The following SLC16A12 variants were observed in gnomAD, a reference collection of about 807,000 sequenced individuals.
SLC16A12 encodes monocarboxylate transporter 12.
A neutral mutation model predicts 42.4 loss-of-function variants in SLC16A12; 17 were observed. The ratio of observed to expected loss-of-function variants is 0.40; its 90% CI spans 0.27 to 0.60. The LOEUF is 0.60. Ranked by LOEUF, SLC16A12 falls within the 20% of genes least tolerant of loss-of-function variation. The probability of loss-of-function intolerance (pLI) is 0.42; values close to 1 mark genes in which losing one functional copy is unlikely to be tolerated. For missense variants in SLC16A12, 544 were observed against 623.0 expected (o/e 0.87, Z 1.35); for synonymous variants, 224 against 229.4 (o/e 0.98, Z 0.21).
Position 89,430,336 on chromosome 10 carries a change from T to A in SLC16A12, c.*2728A>T. ...AATTCATTTTATTTTGCTTTTGAAA[T>A]AAGAAAATATTAGCATAAATATTTC... On this transcript the variant is annotated 3_prime_UTR_variant, in exon 8 of 8. Coordinates refer to ENST00000371790, the MANE Select transcript of SLC16A12 (RefSeq NM_213606.4). 1 of 227,106 alleles carries A rather than the reference T, an allele frequency of 4.4e-6. No homozygotes were observed. 14.1% of individuals were successfully genotyped at this position (227,106 alleles called of 1,614,324 possible).
rs1564607512 is a variant in SLC16A12, at chr10:89,555,582, T to TATATGTATATATACACATATATACAG, written c.-47+299_-47+300insCTGTATATATGTGTATATATACATAT. 2.5e-5 allele frequency among the ~76,000 whole-genome samples: 3 copies of TATATGTATATATACACATATATACAG among 121,484 alleles called. No homozygotes were observed. The East Asian group carries it at 7.1e-4, about 29-fold the overall frequency. 79.7% of individuals were successfully genotyped at this position (121,484 alleles called of 152,430 possible). A position where few individuals can be genotyped will look rare whatever the true frequency, so the allele number is the denominator to read the frequency against. On this transcript the variant is annotated intron_variant, in intron 2 of 2. Coordinates refer to the SLC16A12 transcript ENST00000475682. ...ATACATATACGTATATGTATATGTA[T>TATATGTATATATACACATATATACAG]ATATGTATATATACACATATATACA...
chr10:89,445,832 C>A (rs925432158), intron 3 of SLC16A12, among the ~76,000 whole-genome samples: 18 of 152,056 alleles, frequency 1.2e-4, no homozygotes, highest in Admixed American at 5.9e-4. Flanking sequence ...ATGTTCGAAC[C>A]CATCACAAGG....
At chr10:89,533,846 CAT>C (rs1843600140) in intron 2 of SLC16A12, among the ~76,000 whole-genome samples, 2 of 145,774 alleles carry the variant, frequency 1.4e-5, no homozygotes, top group South Asian at 4.3e-4. Flanking sequence ...AAAAAAAAAA[CAT>C]AAAAAATAAG....
rs1401513708 is a variant in SLC16A12 at position 89,430,767 on chromosome 10, T to C, written c.*2297A>G. 1 of 459,118 alleles carries C rather than the reference T, an allele frequency of 2.2e-6. No homozygotes were observed. Among genetic ancestry groups the C allele is most frequent in the Admixed American group, 2.5e-5 (1 of 39,558 alleles). 28.4% of individuals were successfully genotyped at this position (459,118 alleles called of 1,614,324 possible). On this transcript the variant is annotated 3_prime_UTR_variant, in exon 8 of 8. Transcript: ENST00000371790. ...TATACAAAATCTTTAAAATTTCTGA[T>C]CACTATGCTTATTTTTCATAAATAC...
intron 2 of SLC16A12, among the ~76,000 whole-genome samples, chr10:89,542,309 T>C (rs190004821): frequency 0.013 from 1,990 of 149,440 alleles, 22 homozygotes; most frequent in Middle Eastern, 0.02. Flanking sequence ...TTTTTTTCTT[T>C]TTTTTTTTTT....
At chr10:89,552,188 C>T (rs1843774879) in intron 2 of SLC16A12, among the ~76,000 whole-genome samples, 1 of 152,186 alleles carries the variant, frequency 6.6e-6, no homozygotes, top group Non-Finnish European at 1.5e-5. Context: ...CCCACCTTGG[C>T]CTCCCAAAGT....
intron 2 of SLC16A12, among the ~76,000 whole-genome samples, chr10:89,482,528 C>A (rs1246555803): frequency 6.6e-6 from 1 of 152,130 alleles, no homozygotes; most frequent in Non-Finnish European, 1.5e-5. Context: ...CGCCTATAAT[C>A]CCAGCACTTG....
intron 3 of SLC16A12, among the ~76,000 whole-genome samples, chr10:89,445,689 ACTT>A (rs1325740715): frequency 5.3e-5 from 8 of 152,220 alleles, no homozygotes; most frequent in Non-Finnish European, 1.2e-4. Flanking sequence ...AAACTGGAGC[ACTT>A]CTTCTCCTCC....
intron 2 of SLC16A12, among the ~76,000 whole-genome samples, chr10:89,504,552 C>G (rs1383022011): frequency 1.3e-5 from 2 of 152,098 alleles, no homozygotes; most frequent in Non-Finnish European, 2.9e-5. Context: ...ACATACGGAA[C>G]CATTATTGCT....
At chr10:89,447,502 T>G (rs998838179) in intron 3 of SLC16A12, among the ~76,000 whole-genome samples, 21 of 152,236 alleles carry the variant, frequency 1.4e-4, no homozygotes, top group Non-Finnish European at 2.5e-4. Context: ...TGCTCCTGTA[T>G]GACTACTGGG....
chr10:89,462,479 C>T lies in SLC16A12; in HGVS notation c.100G>A (p.Val34Ile), dbSNP rs750848525. 1.9e-6 allele frequency: 3 copies of T among 1,614,072 alleles called. No homozygotes were observed. Among genetic ancestry groups the T allele is most frequent in the Admixed American group, 3.3e-5 (2 of 60,010 alleles). ...GGGGAGGTAGACCGAGCTCTATTTA[C>T]TTTTGCCATGGTTTTTCTTTTTTCT... is the stretch of plus-strand genomic sequence containing the variant. ...KEEKRKTMAK[V>I]NRARSTSPPD... is the part of the protein sequence containing the mutation. Residue 34 changes from valine to isoleucine, a missense_variant, in exon 3 of 8, where the codon GTA becomes ATA. Coordinates refer to ENST00000371790, the MANE Select transcript of SLC16A12 (RefSeq NM_213606.4).
chr10:89,446,021 A>G (rs923067956), intron 3 of SLC16A12, among the ~76,000 whole-genome samples: 5 of 152,206 alleles, frequency 3.3e-5, no homozygotes, highest in Admixed American at 6.5e-5. Flanking sequence ...TTGAAGATCA[A>G]ATTAATGAAA....
intron 2 of SLC16A12, among the ~76,000 whole-genome samples, chr10:89,502,324 C>T (rs1480617100): frequency 1.3e-5 from 2 of 152,042 alleles, no homozygotes; most frequent in African/African-American, 4.8e-5. Flanking sequence ...GTGGTGGAAG[C>T]CTATAATCCC....
At position 89,518,115 on chromosome 10, in the gene SLC16A12, G is replaced by T. The variant is rs139773657; in HGVS notation, c.-47+16386C>A. On this transcript the variant is annotated intron_variant, in intron 2 of 7. Coordinates refer to ENST00000371790, the MANE Select transcript of SLC16A12 (RefSeq NM_213606.4). ...CAACAGTAGCTGGGCACCAATAAATGCAGGCACAGGAAAAACAGAGATAAA... is the reference window on the plus strand; with the variant it reads ...CAACAGTAGCTGGGCACCAATAAATTCAGGCACAGGAAAAACAGAGATAAA... 1.4e-3 allele frequency among the ~76,000 whole-genome samples: 218 copies of T among 152,282 alleles called. 1 individual carries two copies. Among genetic ancestry groups the T allele is most frequent in the African/African-American group, 5.1e-3 (212 of 41,566 alleles).
chr10:89,434,954 A>G (rs1354636327), intron 7 of SLC16A12, among the ~76,000 whole-genome samples: 1 of 152,228 alleles, frequency 6.6e-6, no homozygotes, highest in African/African-American at 2.4e-5. Context: ...CACATGCTTT[A>G]GGAAGGAGAA....
At chr10:89,484,401 A>C (rs1412683368) in intron 2 of SLC16A12, among the ~76,000 whole-genome samples, 2 of 152,196 alleles carry the variant, frequency 1.3e-5, no homozygotes, top group African/African-American at 4.8e-5. Context: ...CCATACCATA[A>C]CAAAAAATCT....
intron 2 of SLC16A12, among the ~76,000 whole-genome samples, chr10:89,490,274 A>G (rs1378877332): frequency 6.6e-6 from 1 of 152,322 alleles, no homozygotes. Flanking sequence ...TATGTAAAAC[A>G]GTACTCTGTG....
At chr10:89,466,783 T>C (rs752699948) in intron 2 of SLC16A12, among the ~76,000 whole-genome samples, 7 of 152,196 alleles carry the variant, frequency 4.6e-5, no homozygotes, top group Non-Finnish European at 1.0e-4. Context: ...AGGGTAAAAC[T>C]GCACACACAT....
chr10:89,525,774 T>C (rs565821911), intron 2 of SLC16A12, among the ~76,000 whole-genome samples: 5 of 152,244 alleles, frequency 3.3e-5, no homozygotes, highest in Admixed American at 3.3e-4. Flanking sequence ...CACAATTAGC[T>C]ACAGACCCAT....
Sources: gnomAD v4.1 joint callset for allele counts (sites outside exome capture counted in the v4.1 genomes callset) on GRCh38, gnomAD v4.1.1 for gene constraint, MANE v1.5 for transcripts, NCBI Gene and HGNC (gene_info 2026-07-23, HGNC 2026-07-21) for gene names.